Variants in CDH10 observed in about 807,000 individuals in gnomAD.
The protein encoded by CDH10 is cadherin 10, also known as cadherin-10.
A neutral mutation model predicts 73.1 loss-of-function variants in CDH10; 30 were observed. That is an observed-to-expected ratio of 0.41 (90% CI 0.31 to 0.56). The LOEUF (loss-of-function observed/expected upper bound fraction) is 0.56. Among genes scored for constraint, CDH10 ranks in the 20% least tolerant of loss-of-function variants. CDH10 has a pLI of 0.27. For missense variants in CDH10, 815 were observed against 973.7 expected, an observed-to-expected ratio of 0.84 and a Z score of 2.17; for synonymous variants, 345 against 348.2, an observed-to-expected ratio of 0.99 and a Z score of 0.10.
At chr5:24,575,726 G>A (rs1561173715) in intron 2 of CDH10, among the ~76,000 whole-genome samples, 1 of 151,956 alleles carries the variant, frequency 6.6e-6, no homozygotes, top group Admixed American at 6.6e-5. Flanking sequence ...TTCCAGTGAT[G>A]GAAATATTCC....
chr5:24,491,534 A>T (rs1333566233), intron 11 of CDH10, 42 bp downstream of exon 11: 2 of 1,559,390 alleles, frequency 1.3e-6, no homozygotes. Flanking sequence ...AATCATACTA[A>T]AGAGCCTAGA....
rs565073477 is a variant in CDH10, at chr5:24,532,723, CAT to C, written c.814+2387_814+2388del. Among the ~76,000 whole-genome samples the C allele has an allele frequency of 3.7e-3, 562 of 152,092 alleles. 2 individuals carry two copies. The highest frequency in any genetic ancestry group is 0.013 in the African/African-American group (544 of 41,498). The stretch of plus-strand genomic sequence containing the variant: ...AGGGTAATGTTGGGTTAAAGAAAAA[CAT>C]ATAATTCAAATAAATGTCTCTTGCT... On this transcript the variant is annotated intron_variant, in intron 5 of 11. Coordinates refer to ENST00000264463, the MANE Select transcript of CDH10 (RefSeq NM_006727.5).
intron 2 of CDH10, among the ~76,000 whole-genome samples, chr5:24,589,453 T>C (rs939629690): frequency 3.3e-5 from 5 of 152,064 alleles, no homozygotes; most frequent in Non-Finnish European, 5.9e-5. Context: ...CTATACTGAC[T>C]TAGAATCAGA....
intron 9 of CDH10, among the ~76,000 whole-genome samples, chr5:24,497,524 T>G (rs1317043610): frequency 1.3e-5 from 2 of 152,234 alleles, no homozygotes; most frequent in Non-Finnish European, 2.9e-5. Flanking sequence ...GACAGGCTAT[T>G]GAATTCTTGT....
At chr5:24,611,811 C>G (rs1391049314) in intron 1 of CDH10, 1 of 152,054 alleles carries the variant, frequency 6.6e-6, no homozygotes, top group Non-Finnish European at 1.5e-5. Flanking sequence ...CTCTCTATTG[C>G]CTTCTCAGCT....
intron 7 of CDH10, among the ~76,000 whole-genome samples, chr5:24,507,985 G>A (rs1463770269): frequency 2.6e-5 from 4 of 152,084 alleles, no homozygotes; most frequent in African/African-American, 7.2e-5. Flanking sequence ...TGAAGATATC[G>A]CAGACCCTAT....
rs940094582 is a variant in CDH10, at chr5:24,535,890, T to C, written c.527-68A>G. ...GGAGGAGCAAAAGCACTGGTTTTCA[T>C]TGAAGACTTGAATGATTTCTGGCTT... On this transcript the variant is annotated intron_variant, in intron 3 of 11. Transcript: ENST00000264463. 2.0e-5 allele frequency: 23 copies of C among 1,168,462 alleles called. No individual in the cohort carries two copies. In the Admixed American group the frequency reaches 2.6e-4, roughly 13 times the overall value. The allele number at this position is 1,168,462 out of a possible 1,614,324, so 72.4% of individuals were successfully genotyped here. A position where few individuals can be genotyped will look rare whatever the true frequency, so the allele number is the denominator to read the frequency against.
At chr5:24,536,813 T>G (rs1743970801) in intron 3 of CDH10, among the ~76,000 whole-genome samples, 1 of 151,940 alleles carries the variant, frequency 6.6e-6, no homozygotes, top group African/African-American at 2.4e-5. Context: ...GGTTTTCAAC[T>G]GGTTTTTTTC....
chr5:24,566,462 T>G (rs1308098267), intron 2 of CDH10, among the ~76,000 whole-genome samples: 1 of 152,186 alleles, frequency 6.6e-6, no homozygotes, highest in African/African-American at 2.4e-5. Flanking sequence ...GCCTTACTTT[T>G]GAAGCTACAG....
chr5:24,586,253 GAAGT>G (rs1359932127), intron 2 of CDH10, among the ~76,000 whole-genome samples: 4 of 151,960 alleles, frequency 2.6e-5, no homozygotes, highest in African/African-American at 7.3e-5. Context: ...TTTTAAACAT[GAAGT>G]TAGTGAGATA....
chr5:24,571,384 A>C (rs1286771062), intron 2 of CDH10, among the ~76,000 whole-genome samples: 1 of 152,154 alleles, frequency 6.6e-6, no homozygotes, highest in Non-Finnish European at 1.5e-5. Context: ...GCTACAAGCC[A>C]CAGGGGTCAA....
At chr5:24,529,543 A>G (rs1743651246) in intron 5 of CDH10, among the ~76,000 whole-genome samples, 1 of 152,030 alleles carries the variant, frequency 6.6e-6, no homozygotes, top group African/African-American at 2.4e-5. Context: ...ACTATTCTCA[A>G]TAATCCATGG....
chr5:24,593,631 A>G lies in CDH10; in HGVS notation c.-123-18T>C. On this transcript the variant is annotated intron_variant, in intron 1 of 11. Transcript: ENST00000264463. ...TCCCAAAGCTTCAAACAAACAAACA[A>G]ACAAAAAAAGTTAGTTGACAACATT... The G allele has an allele frequency of 1.8e-6, 1 of 552,524 alleles. No individual in the cohort carries two copies. Among genetic ancestry groups the G allele is most frequent in the Non-Finnish European group, 3.2e-6 (1 of 312,362 alleles). The allele number at this position is 552,524 out of a possible 1,614,324, so 34.2% of individuals were successfully genotyped here. A position where few individuals can be genotyped will look rare whatever the true frequency, so the allele number is the denominator to read the frequency against.
At chr5:24,640,000 T>C (rs1747992705) in intron 1 of CDH10, among the ~76,000 whole-genome samples, 1 of 151,838 alleles carries the variant, frequency 6.6e-6, no homozygotes, top group Non-Finnish European at 1.5e-5. Context: ...CTCAGTGTTA[T>C]AAAATTTATA....
Position 24,594,116 on chromosome 5 carries a change from C to CAAAAT in CDH10, c.-123-504_-123-503insATTTT, listed in dbSNP as rs1257865120. On this transcript the variant is annotated intron_variant, in intron 1 of 11. Transcript: ENST00000264463. ...AAGTAAAGGCACAAACAAAACAAAACAAAACAAAACAAATGAGAAAACTAG... is the reference window on the plus strand; with the variant it reads ...AAGTAAAGGCACAAACAAAACAAAACAAAATAAAACAAAACAAATGAGAAAACTAG... Among the ~76,000 whole-genome samples the CAAAAT allele has an allele frequency of 3.3e-5, 5 of 151,844 alleles. No homozygotes were observed. In the East Asian group the frequency reaches 7.7e-4, roughly 24 times the overall value.
At chr5:24,538,843 G>A (rs1441100141) in intron 2 of CDH10, among the ~76,000 whole-genome samples, 2 of 151,972 alleles carry the variant, frequency 1.3e-5, no homozygotes, top group African/African-American at 4.8e-5. Context: ...AAAGTAAAGC[G>A]TGGCCACAGG....
At chr5:24,537,074 T>A (rs999899066) in intron 3 of CDH10, among the ~76,000 whole-genome samples, 3 of 151,980 alleles carry the variant, frequency 2.0e-5, no homozygotes, top group Admixed American at 2.0e-4. Context: ...TTTATACAAC[T>A]TTTATCTGAA....
At chr5:24,496,070 A>C (rs959401275) in intron 9 of CDH10, among the ~76,000 whole-genome samples, 2 of 152,062 alleles carry the variant, frequency 1.3e-5, no homozygotes, top group Non-Finnish European at 1.5e-5. Flanking sequence ...TTAAGTTTTC[A>C]TATGTTTTAG....
intron 2 of CDH10, among the ~76,000 whole-genome samples, chr5:24,556,287 T>C (rs1744765523): frequency 1.3e-5 from 2 of 152,064 alleles, no homozygotes; most frequent in South Asian, 4.1e-4. Flanking sequence ...ACTTAATTCA[T>C]TTTTTCTTTA....
Sources: allele counts gnomAD v4.1 joint callset (sites outside exome capture counted in the v4.1 genomes callset), GRCh38; gene constraint gnomAD v4.1.1; transcripts MANE v1.5; gene names NCBI Gene and HGNC (gene_info 2026-07-23, HGNC 2026-07-21).